MYO5B: variants seen among roughly 807,000 people sequenced by gnomAD.
MYO5B encodes unconventional myosin-Vb.
A neutral mutation model predicts 229.3 loss-of-function variants in MYO5B; 143 were observed. The ratio of observed to expected loss-of-function variants is 0.62; its 90% CI spans 0.54 to 0.72. MYO5B has a LOEUF of 0.72. Ranked by LOEUF, MYO5B falls within the 30% of genes least tolerant of loss-of-function variation. The pLI is 0.00. For synonymous variants in MYO5B, 918 were observed against 885.2 expected, an observed-to-expected ratio of 1.04 and a Z score of -0.66; for missense variants, 2,321 against 2,331.0, an observed-to-expected ratio of 1.00 and a Z score of 0.09.
chr18:49,823,725 C>G lies in MYO5B; in HGVS notation c.*2746G>C, dbSNP rs1418389862. The G allele has an allele frequency of 6.6e-6, 1 of 152,206 alleles. No homozygotes were observed. Among genetic ancestry groups the G allele is most frequent in the Non-Finnish European group, 1.5e-5 (1 of 68,046 alleles). 9.4% of individuals were successfully genotyped at this position (152,206 alleles called of 1,614,324 possible). A position where few individuals can be genotyped will look rare whatever the true frequency, so the allele number is the denominator to read the frequency against. ...AGGTGAGCCTACAGGTACTGGAACTCTAACTGCAACTATGAGGGCACAGGG... is the reference window on the plus strand; with the variant it reads ...AGGTGAGCCTACAGGTACTGGAACTGTAACTGCAACTATGAGGGCACAGGG... On this transcript the variant is annotated 3_prime_UTR_variant, in exon 40 of 40. Coordinates refer to ENST00000285039, the MANE Select transcript of MYO5B (RefSeq NM_001080467.3).
At chr18:50,080,864 G>A (rs1031219938) in intron 1 of MYO5B, among the ~76,000 whole-genome samples, 13 of 152,148 alleles carry the variant, frequency 8.5e-5, no homozygotes, top group African/African-American at 4.8e-5. Flanking sequence ...AGGGAAGAAG[G>A]CATAGGAGGG....
intron 17 of MYO5B, among the ~76,000 whole-genome samples, chr18:49,922,334 A>G (rs2025083933): frequency 8.5e-5 from 13 of 152,196 alleles, no homozygotes; most frequent in Admixed American, 7.9e-4. Context: ...CCAAATGGTT[A>G]CCATGGTTGG....
intron 29 of MYO5B, among the ~76,000 whole-genome samples, chr18:49,862,521 T>C (rs2024343560): frequency 6.6e-6 from 1 of 152,310 alleles, no homozygotes; most frequent in Admixed American, 6.5e-5. Context: ...CTATCGGTCA[T>C]GTGACCGCTA....
At chr18:49,961,374 T>C (rs927718762) in intron 12 of MYO5B, among the ~76,000 whole-genome samples, 3 of 152,156 alleles carry the variant, frequency 2.0e-5, no homozygotes, top group Non-Finnish European at 4.4e-5. Flanking sequence ...GTAGAACTGG[T>C]ATATTTTTCT....
intron 16 of MYO5B, among the ~76,000 whole-genome samples, chr18:49,932,945 A>C (rs1179422956): frequency 6.6e-6 from 1 of 152,192 alleles, no homozygotes; most frequent in African/African-American, 2.4e-5. Context: ...AGCAAGGACA[A>C]TTAACATAGA....
chr18:49,844,145 G>C (rs575155571), intron 33 of MYO5B, among the ~76,000 whole-genome samples: 5 of 152,252 alleles, frequency 3.3e-5, no homozygotes, highest in Non-Finnish European at 5.9e-5. Context: ...ATTAACTGCA[G>C]ACTCAGCCCT....
At chr18:49,916,759 G>T (rs1217617) in intron 17 of MYO5B, among the ~76,000 whole-genome samples, 88,366 of 151,778 alleles carry the variant, frequency 0.58, 26,006 homozygotes, top group Middle Eastern at 0.67. Flanking sequence ...TCTGGGAAAA[G>T]GGCTGTAAAG....
intron 14 of MYO5B, among the ~76,000 whole-genome samples, chr18:49,943,013 C>T (rs1331877386): frequency 6.6e-6 from 1 of 152,052 alleles, no homozygotes; most frequent in Admixed American, 6.6e-5. Flanking sequence ...GGCACATATA[C>T]ACCATGGAAT....
intron 1 of MYO5B, among the ~76,000 whole-genome samples, chr18:50,056,991 C>T (rs2030566941): frequency 1.3e-5 from 2 of 152,150 alleles, no homozygotes; most frequent in African/African-American, 4.8e-5. Flanking sequence ...AGCCTGCTGC[C>T]TTATGGCAAG....
At chr18:49,902,925 C>T in intron 20 of MYO5B, 92 bp from the exon 21 acceptor site, 2 of 1,514,620 alleles carry the variant, frequency 1.3e-6, no homozygotes, top group African/African-American at 1.4e-5. Context: ...GGGAAGAGGC[C>T]AGGGCAGCCT....
chr18:49,855,630 C>T (rs1190333341), intron 30 of MYO5B, among the ~76,000 whole-genome samples: 1 of 152,162 alleles, frequency 6.6e-6, no homozygotes, highest in Non-Finnish European at 1.5e-5. Context: ...CAAAGTACTT[C>T]ACCTGTATTA....
intron 1 of MYO5B, among the ~76,000 whole-genome samples, chr18:50,121,624 T>C (rs1042114700): frequency 6.6e-6 from 1 of 152,232 alleles, no homozygotes; most frequent in Non-Finnish European, 1.5e-5. Context: ...GAACTCACTA[T>C]GATCAGGGCC....
chr18:50,146,316 A>C (rs888146012), intron 1 of MYO5B, among the ~76,000 whole-genome samples: 1 of 152,238 alleles, frequency 6.6e-6, no homozygotes, highest in African/African-American at 2.4e-5. Context: ...GCAGAGTCTT[A>C]TCCAACTGGA....
intron 14 of MYO5B, among the ~76,000 whole-genome samples, chr18:49,944,628 A>G (rs2025351150): frequency 6.6e-6 from 1 of 152,054 alleles, no homozygotes; most frequent in African/African-American, 2.4e-5. Context: ...TTGCTCATTT[A>G]TATAAATGGA....
chr18:50,042,776 C>A (rs1011906691), intron 2 of MYO5B, among the ~76,000 whole-genome samples: 3 of 152,122 alleles, frequency 2.0e-5, no homozygotes, highest in African/African-American at 7.2e-5. Context: ...CCTCCTCTCC[C>A]GGGCTCTGCA....
Position 49,993,156 on chromosome 18 carries a change from T to C in MYO5B, c.613-725A>G, listed in dbSNP as rs114608950. Among the ~76,000 whole-genome samples, 1,481 of 152,254 alleles carry C rather than the reference T, an allele frequency of 9.7e-3. 34 individuals carry two copies. Among genetic ancestry groups the C allele is most frequent in the African/African-American group, 0.034 (1,407 of 41,546 alleles). On this transcript the variant is annotated intron_variant, in intron 5 of 39. Transcript: ENST00000285039. ...TTCCTATAAAACACCATGTTGCCAA[T>C]GCATTGGTAAAGAATACATTAATAT...
chr18:50,099,766 C>G (rs9949017), intron 1 of MYO5B, among the ~76,000 whole-genome samples: 1 of 152,142 alleles, frequency 6.6e-6, no homozygotes, highest in Non-Finnish European at 1.5e-5. Context: ...GAGAAATACA[C>G]GGTATCTTGT....
intron 4 of MYO5B, among the ~76,000 whole-genome samples, chr18:50,005,759 A>G (rs1449729372): frequency 6.6e-6 from 1 of 152,120 alleles, no homozygotes; most frequent in Non-Finnish European, 1.5e-5. Flanking sequence ...ACCCAACAGG[A>G]CTACTTGTCT....
At chr18:50,109,428 T>TTTTC (rs201754440) in intron 1 of MYO5B, among the ~76,000 whole-genome samples, 20,053 of 135,890 alleles carry the variant, frequency 0.15, 1,407 homozygotes, top group East Asian at 0.23. Context: ...TGATTTTTCT[T>TTTTC]TTTTTTTTTT....
Sources: gnomAD v4.1 joint callset for allele counts (sites outside exome capture counted in the v4.1 genomes callset) on GRCh38, gnomAD v4.1.1 for gene constraint, MANE v1.5 for transcripts, NCBI Gene and HGNC (gene_info 2026-07-23, HGNC 2026-07-21) for gene names.